DMAC1: variants seen among roughly 807,000 people sequenced by gnomAD.
The protein encoded by DMAC1 is distal membrane-arm assembly complex protein 1.
A neutral mutation model predicts 7.0 loss-of-function variants in DMAC1; 10 were observed. The ratio of observed to expected loss-of-function variants is 1.43; its 90% CI spans 0.88 to 2.43. The LOEUF (loss-of-function observed/expected upper bound fraction) is 2.43, where lower values mean the gene tolerates loss of function less well. Ranked by LOEUF, DMAC1 falls within the 30% of genes most tolerant of loss-of-function variation. The pLI, the probability that DMAC1 is intolerant of heterozygous loss-of-function variation, is 0.00. For synonymous variants in DMAC1, 92 were observed against 66.2 expected, an observed-to-expected ratio of 1.39 and a Z score of -1.90; for missense variants, 219 against 158.7, an observed-to-expected ratio of 1.38 and a Z score of -2.04.
Position 7,798,379 on chromosome 9 carries a change from A to C in DMAC1, c.*194T>G. 1 of 588,824 alleles carries C rather than the reference A, an allele frequency of 1.7e-6. No homozygotes were observed. 36.5% of individuals were successfully genotyped at this position (588,824 alleles called of 1,614,324 possible). A position where few individuals can be genotyped will look rare whatever the true frequency, so the allele number is the denominator to read the frequency against. ...TGAGGGATTTATTGGTTCCTGTGAAATCTGTGAAGGCCACAAACACTCCAT... is the reference window on the plus strand; with the variant it reads ...TGAGGGATTTATTGGTTCCTGTGAACTCTGTGAAGGCCACAAACACTCCAT... On this transcript the variant is annotated 3_prime_UTR_variant, in exon 2 of 2. Coordinates refer to ENST00000358227, the MANE Select transcript of DMAC1 (RefSeq NM_033428.3).
chr9:7,798,649 A>C lies in DMAC1; in HGVS notation c.275-12T>G, dbSNP rs779032762. 15 of 1,550,184 alleles carry C rather than the reference A, an allele frequency of 9.7e-6. No individual in the cohort carries two copies. Among genetic ancestry groups the C allele is most frequent in the Middle Eastern group, 1.7e-4 (1 of 5,784 alleles). On this transcript the variant is annotated splice_polypyrimidine_tract_variant and intron_variant, in intron 1 of 1. Coordinates refer to ENST00000358227, the MANE Select transcript of DMAC1 (RefSeq NM_033428.3). Reference sequence around the variant, plus strand: ...CCAGGTGGCAATGCCTAGAAAAAAAACAACAATACCTTACCTTTATGCTGC... The same window carrying C: ...CCAGGTGGCAATGCCTAGAAAAAAACCAACAATACCTTACCTTTATGCTGC...
chr9:7,798,905 T>TA (rs942607967), intron 1 of DMAC1, among the ~76,000 whole-genome samples: 6 of 152,228 alleles, frequency 3.9e-5, no homozygotes, highest in South Asian at 2.1e-4. Context: ...GTTTGAAAGC[T>TA]AAAAAAATCA....
At position 7,799,562 on chromosome 9, in the gene DMAC1, A is replaced by G; in HGVS notation, c.173T>C (p.Leu58Pro). The G allele has an allele frequency of 6.2e-7, 1 of 1,612,678 alleles. No homozygotes were observed. Among genetic ancestry groups the G allele is most frequent in the South Asian group, 1.1e-5 (1 of 90,950 alleles). ...GTACACGTACCCGCCCGCCCCCATC[A>G]GCCCCAACCCAGAAAGCACGCGACA... ...WSCRVLSGLG[L>P]MGAGGYVYWV... Residue 58 changes from leucine to proline, a missense_variant, in exon 1 of 2, where the codon CTG (leucine) becomes CCG (proline). Coordinates refer to ENST00000358227, the MANE Select transcript of DMAC1 (RefSeq NM_033428.3).
rs1818642014 is a variant in DMAC1 at position 7,797,753 on chromosome 9, T to C, written c.*820A>G. On this transcript the variant is annotated 3_prime_UTR_variant, in exon 2 of 2. Coordinates refer to ENST00000358227, the MANE Select transcript of DMAC1 (RefSeq NM_033428.3). ...ATTTTTCTTGTGACATTTAAGTCTT[T>C]TATTGTATGCTGATTTTTATGATTA... The C allele has an allele frequency of 6.6e-6, 1 of 152,216 alleles. No individual in the cohort carries two copies. Among genetic ancestry groups the C allele is most frequent in the Non-Finnish European group, 1.5e-5 (1 of 68,038 alleles). The allele number at this position is 152,216 out of a possible 1,614,324, so 9.4% of individuals were successfully genotyped here. A position where few individuals can be genotyped will look rare whatever the true frequency, so the allele number is the denominator to read the frequency against.
chr9:7,798,447 G>C lies in DMAC1; in HGVS notation c.*126C>G, dbSNP rs140725461. 1,444 of 1,045,174 alleles carry C rather than the reference G, an allele frequency of 1.4e-3. 18 individuals are homozygous for C. The African/African-American group carries it at 0.02, about 15-fold the overall frequency. The allele number at this position is 1,045,174 out of a possible 1,614,324, so 64.7% of individuals were successfully genotyped here. On this transcript the variant is annotated 3_prime_UTR_variant, in exon 2 of 2. Transcript: ENST00000358227. Reference sequence around the variant, plus strand: ...ATACGATTTTCTTCTCAGTCTTGTAGTATCCACAGTAGTGATGTCTGTCCA... The same window carrying C: ...ATACGATTTTCTTCTCAGTCTTGTACTATCCACAGTAGTGATGTCTGTCCA...
At position 7,799,522 on chromosome 9, in the gene DMAC1, CT is replaced by C; in HGVS notation, c.212del (p.Lys71SerfsTer3). The C allele has an allele frequency of 6.2e-7, 1 of 1,613,692 alleles. No homozygotes were observed. The highest frequency in any genetic ancestry group is 1.3e-5 in the African/African-American group (1 of 75,028). On this transcript the variant is annotated frameshift_variant, in exon 1 of 2. Transcript: ENST00000358227. LOFTEE classifies it high-confidence loss of function. ...TCGGGGGGTATCCCATCTTCATGGG[CT>C]TCCGTGCCACCCAGTACACGTACCC... ...AGGYVYWVAR[K>X]PMKMGYPPSP...
rs1206928412 is a variant in DMAC1, at chr9:7,799,390, G to A, written c.274+71C>T. ...CCCGCCTCCCCGCCTCCCCGCCCAC[G>A]TGGCTGCTCCGTTTCCTTCCTCTAC... On this transcript the variant is annotated intron_variant, in intron 1 of 1. Transcript: ENST00000358227. 9.2e-6 allele frequency: 14 copies of A among 1,528,976 alleles called. No homozygotes were observed. In the African/African-American group the frequency reaches 1.6e-4, roughly 17 times the overall value. 94.7% of individuals were successfully genotyped at this position (1,528,976 alleles called of 1,614,324 possible). A position where few individuals can be genotyped will look rare whatever the true frequency, so the allele number is the denominator to read the frequency against.
chr9:7,799,352 C>T, intron 1 of DMAC1, 109 bp downstream of exon 1: 3 of 1,407,882 alleles, frequency 2.1e-6, no homozygotes, highest in South Asian at 2.6e-5. Flanking sequence ...CACCACCTGA[C>T]CAGCGGCAGC....
intron 1 of DMAC1, 138 bp downstream of exon 1, chr9:7,799,323 A>C (rs1586898458): frequency 1.4e-5 from 16 of 1,144,884 alleles, no homozygotes; most frequent in South Asian, 3.2e-5. Flanking sequence ...TTCCTCTCCC[A>C]CCTTGTTTGA....
rs1818617924 is a variant in DMAC1 at position 7,796,944 on chromosome 9, C to T, written c.*1629G>A. ...TGAGGAGTCAGGTTATATGCAGATT[C>T]TCCACTGAGCAAATGTTCAGCGCTC... On this transcript the variant is annotated 3_prime_UTR_variant, in exon 2 of 2. Coordinates refer to ENST00000358227, the MANE Select transcript of DMAC1 (RefSeq NM_033428.3). 1 of 151,984 alleles carries T rather than the reference C, an allele frequency of 6.6e-6. No individual in the cohort carries two copies. Among genetic ancestry groups the T allele is most frequent in the South Asian group, 2.1e-4 (1 of 4,816 alleles). 9.4% of individuals were successfully genotyped at this position (151,984 alleles called of 1,614,324 possible). A position where few individuals can be genotyped will look rare whatever the true frequency, so the allele number is the denominator to read the frequency against.
In DMAC1 at chr9:7,798,564, G is replaced by C; in HGVS notation, c.*9C>G. ...ACAGAGACAGAAGACAGATTCACTG[G>C]TGGTACTTTCAAACAACGCGGTAGG... On this transcript the variant is annotated 3_prime_UTR_variant, in exon 2 of 2. Transcript: ENST00000358227. The C allele has an allele frequency of 6.2e-7, 1 of 1,613,852 alleles. No homozygotes were observed. Among genetic ancestry groups the C allele is most frequent in the Non-Finnish European group, 8.5e-7 (1 of 1,179,750 alleles).
Position 7,797,438 on chromosome 9 carries a change from G to C in DMAC1, c.*1135C>G, listed in dbSNP as rs564968029. On this transcript the variant is annotated 3_prime_UTR_variant, in exon 2 of 2. Transcript: ENST00000358227. ...GCACTTCCACATAATGCTGCAAAAAGCAACAGCCGTAAAGGTACTACCTGC... is the reference window on the plus strand; with the variant it reads ...GCACTTCCACATAATGCTGCAAAAACCAACAGCCGTAAAGGTACTACCTGC... 6.6e-6 allele frequency: 1 copy of C among 152,194 alleles called. No individual in the cohort carries two copies. The highest frequency in any genetic ancestry group is 2.4e-5 in the African/African-American group (1 of 41,444). 9.4% of individuals were successfully genotyped at this position (152,194 alleles called of 1,614,324 possible). A position where few individuals can be genotyped will look rare whatever the true frequency, so the allele number is the denominator to read the frequency against.
chr9:7,799,338 C>T lies in DMAC1; in HGVS notation c.274+123G>A. The T allele has an allele frequency of 6.9e-6, 9 of 1,299,878 alleles. No homozygotes were observed. In the South Asian group the frequency reaches 9.9e-5, roughly 14 times the overall value. 80.5% of individuals were successfully genotyped at this position (1,299,878 alleles called of 1,614,324 possible). ...TTCCTCTCCCACCTTGTTTGAGGTG[C>T]CCCCACCACCTGACCAGCGGCAGCA... On this transcript the variant is annotated intron_variant, in intron 1 of 1. Transcript: ENST00000358227.
In DMAC1 at chr9:7,799,754, A is replaced by G. The variant is rs370181718; in HGVS notation, c.-20T>C. ...CCCCATGCTCTGGAACTCGGCCTCA[A>G]CCTTGGGCGTCTTTGGTTCAAACTG... is the stretch of plus-strand genomic sequence containing the variant. On this transcript the variant is annotated 5_prime_UTR_variant, in exon 1 of 2. Transcript: ENST00000358227. The G allele has an allele frequency of 1.1e-5, 16 of 1,501,982 alleles. No homozygotes were observed. The highest frequency in any genetic ancestry group is 8.4e-5 in the African/African-American group (6 of 71,614). The allele number at this position is 1,501,982 out of a possible 1,614,324, so 93.0% of individuals were successfully genotyped here.
chr9:7,799,095 A>T (rs1387407033), intron 1 of DMAC1, among the ~76,000 whole-genome samples: 3 of 151,972 alleles, frequency 2.0e-5, no homozygotes, highest in Non-Finnish European at 4.4e-5. Context: ...GAGAAAAAGT[A>T]TGGGCTTTGA....
rs766111760 is a variant in DMAC1 at position 7,799,481 on chromosome 9, G to A, written c.254C>T (p.Thr85Met). Residue 85 changes from threonine to methionine, a missense_variant, in exon 1 of 2, where the codon ACG becomes ATG. Coordinates refer to ENST00000358227, the MANE Select transcript of DMAC1 (RefSeq NM_033428.3). ...MGYPPSPWTITQMVIGLSIAT... is the reference protein window; with the variant it reads ...MGYPPSPWTIMQMVIGLSIAT... The stretch of plus-strand genomic sequence containing the variant: ...CTCACTGAGGCCGATGACCATCTGC[G>A]TAATGGTCCATGGACTCGGGGGGTA... The A allele has an allele frequency of 8.7e-6, 14 of 1,612,748 alleles. No individual in the cohort carries two copies. Among genetic ancestry groups the A allele is most frequent in the Admixed American group, 1.7e-5 (1 of 59,986 alleles).
In DMAC1 at chr9:7,799,634, G is replaced by A; in HGVS notation, c.101C>T (p.Ala34Val). The A allele has an allele frequency of 6.2e-7, 1 of 1,612,822 alleles. No homozygotes were observed. Among genetic ancestry groups the A allele is most frequent in the East Asian group, 2.2e-5 (1 of 44,830 alleles). The change falls in exon 1 of 2, where the codon GCG becomes GTG. Residue 34 changes from alanine to valine, a missense_variant. Coordinates refer to ENST00000358227, the MANE Select transcript of DMAC1 (RefSeq NM_033428.3). Reference sequence around the variant, plus strand: ...GCGGTGTTCTGCTGGGGAGGTCGGCGCTCCGGGTGTAGCTGGGGGCGCAGG... The same window carrying A: ...GCGGTGTTCTGCTGGGGAGGTCGGCACTCCGGGTGTAGCTGGGGGCGCAGG... ...AKPAPPATPG[A>V]PTSPAEHRLL...
In DMAC1 at chr9:7,798,422, A is replaced by C. The variant is rs749979542; in HGVS notation, c.*151T>G. ...CACTCCATAGCCAGAGAATGACAAC[A>C]TACGATTTTCTTCTCAGTCTTGTAG... is the stretch of plus-strand genomic sequence containing the variant. On this transcript the variant is annotated 3_prime_UTR_variant, in exon 2 of 2. Coordinates refer to ENST00000358227, the MANE Select transcript of DMAC1 (RefSeq NM_033428.3). 8.2e-6 allele frequency: 7 copies of C among 857,134 alleles called. No individual in the cohort carries two copies. The Admixed American group carries it at 1.4e-4, about 17-fold the overall frequency. The allele number at this position is 857,134 out of a possible 1,614,324, so 53.1% of individuals were successfully genotyped here.
intron 1 of DMAC1, among the ~76,000 whole-genome samples, chr9:7,799,109 C>A (rs1354932809): frequency 6.6e-6 from 1 of 152,034 alleles, no homozygotes; most frequent in African/African-American, 2.4e-5. Context: ...GCTTTGAGAT[C>A]TGATATACCT....
Sources: gnomAD v4.1 joint callset for allele counts (sites outside exome capture counted in the v4.1 genomes callset) on GRCh38, gnomAD v4.1.1 for gene constraint, MANE v1.5 for transcripts, NCBI Gene and HGNC (gene_info 2026-07-23, HGNC 2026-07-21) for gene names.